The following SEPTIN6 variants were observed in gnomAD, a reference collection of about 807,000 sequenced individuals.
SEPTIN6 encodes the protein septin-6.
In SEPTIN6, 8 loss-of-function variants were observed where a neutral mutation model predicts 33.6. That is an observed-to-expected ratio of 0.24 (90% CI 0.14 to 0.43). SEPTIN6 has a LOEUF of 0.43. Among genes scored for constraint, SEPTIN6 ranks in the 20% least tolerant of loss-of-function variants. SEPTIN6 has a pLI of 1.00. For synonymous variants in SEPTIN6, 131 were observed against 140.0 expected, an observed-to-expected ratio of 0.94 and a Z score of 0.45; for missense variants, 250 against 340.8, an observed-to-expected ratio of 0.73 and a Z score of 2.10.
intron 10 of SEPTIN6, among the ~76,000 whole-genome samples, chrX:119,623,846 GAAAC>G (rs756427225): frequency 1.6e-4 from 18 of 111,269 alleles, no homozygotes; most frequent in Admixed American, 3.8e-4. Flanking sequence ...CTCAAAAAAA[GAAAC>G]AAACAAACAA....
At chrX:119,657,851 T>C (rs760432675) in intron 3 of SEPTIN6, among the ~76,000 whole-genome samples, 5 of 111,812 alleles carry the variant, frequency 4.5e-5, no homozygotes, top group Admixed American at 3.8e-4. Flanking sequence ...CTCGACCGGG[T>C]GCGGTGGCTC....
At chrX:119,662,955 G>A (rs1297188441) in intron 3 of SEPTIN6, among the ~76,000 whole-genome samples, 3 of 112,136 alleles carry the variant, frequency 2.7e-5, no homozygotes, top group Non-Finnish European at 3.8e-5. Flanking sequence ...CGTCCTTCAA[G>A]AGTCAGCTCA....
Position 119,670,203 on chromosome X carries a change from C to T in SEPTIN6, c.145+5351G>A, listed in dbSNP as rs759789578. On this transcript the variant is annotated intron_variant, in intron 2 of 10. Transcript: ENST00000394610. ...TCACCTCTTCGGTAATTATGGTCAA[C>T]CCTAGAGAATATATTGGAGAGGAGT... Among the ~76,000 whole-genome samples, 6 of 111,200 alleles carry T rather than the reference C, an allele frequency of 5.4e-5. No individual in the cohort carries two copies. In the South Asian group the frequency reaches 1.5e-3, roughly 28 times the overall value.
chrX:119,658,269 G>A (rs1007762618), intron 3 of SEPTIN6, among the ~76,000 whole-genome samples: 3 of 111,664 alleles, frequency 2.7e-5, no homozygotes, highest in Non-Finnish European at 5.6e-5. Context: ...GGAGGGAGGG[G>A]GGCAGATTTA....
chrX:119,663,451 C>A, intron 3 of SEPTIN6, 31 bp downstream of exon 3: 1 of 678,676 alleles, frequency 1.5e-6, no homozygotes, highest in South Asian at 2.5e-5. Flanking sequence ...ACCAACCTCC[C>A]CACCCTACCC....
Position 119,683,864 on chromosome X carries a change from G to T in SEPTIN6, c.31-8196C>A, listed in dbSNP as rs183000209. 1.4e-3 allele frequency among the ~76,000 whole-genome samples: 152 copies of T among 111,002 alleles called. 1 individual carries two copies. Among genetic ancestry groups the T allele is most frequent in the African/African-American group, 4.8e-3 (148 of 30,599 alleles). ...GGGTCATCAGAGCATTTAGCTTTCAGGCAGTTTTATTGTATATAAAACATT... is the reference window on the plus strand; with the variant it reads ...GGGTCATCAGAGCATTTAGCTTTCATGCAGTTTTATTGTATATAAAACATT... On this transcript the variant is annotated intron_variant, in intron 1 of 10. Transcript: ENST00000394610.
chrX:119,637,822 A>G (rs1409051234), intron 6 of SEPTIN6, among the ~76,000 whole-genome samples: 1 of 112,490 alleles, frequency 8.9e-6, no homozygotes, highest in Non-Finnish European at 1.9e-5. Flanking sequence ...CAAATAGACA[A>G]ATACAATTCA....
rs1210259480 is a variant in SEPTIN6 at position 119,652,891 on chromosome X, G to T, written c.491C>A (p.Ser164Tyr). 1 of 1,210,835 alleles carries T rather than the reference G, an allele frequency of 8.3e-7. No individual in the cohort carries two copies. Among genetic ancestry groups the T allele is most frequent in the South Asian group, 1.8e-5 (1 of 56,893 alleles). ...FIAPTGHSLK[S>Y]LDLVTMKKLD... ...CTTCTTCATAGTCACTAGGTCCAGAGACTTCAGGGAATGACCCGTGGGGGC... is the reference window on the plus strand; with the variant it reads ...CTTCTTCATAGTCACTAGGTCCAGATACTTCAGGGAATGACCCGTGGGGGC... Residue 164 changes from serine to tyrosine, a missense_variant, in exon 4 of 11, where the codon TCT becomes TAT. By Grantham distance (144) the Ser-to-Tyr change is moderately radical. Around this residue, in one of 2 missense-constraint regions of SEPTIN6, gnomAD observed 139 missense variants for 227.0 expected, o/e 0.61. Transcript: ENST00000394610.
In SEPTIN6 at chrX:119,619,376, A is replaced by G; in HGVS notation, c.*717T>C. Reference sequence around the variant, plus strand: ...TTGCATCTGTGGGATACCCAGAGTTAGAGAGAGGGGAAACGTCTGCTATTT... The same window carrying G: ...TTGCATCTGTGGGATACCCAGAGTTGGAGAGAGGGGAAACGTCTGCTATTT... On this transcript the variant is annotated 3_prime_UTR_variant, in exon 11 of 11. Coordinates refer to ENST00000394610, the MANE Select transcript of SEPTIN6 (RefSeq NM_145799.4). The G allele has an allele frequency of 1.2e-6, 1 of 813,474 alleles. No homozygotes were observed. The highest frequency in any genetic ancestry group is 1.5e-6 in the Non-Finnish European group (1 of 675,817). The allele number at this position is 813,474 out of a possible 1,213,427, so 67.0% of individuals were successfully genotyped here.
intron 1 of SEPTIN6, among the ~76,000 whole-genome samples, chrX:119,686,207 C>T (rs1243806410): frequency 8.9e-6 from 1 of 112,237 alleles, no homozygotes; most frequent in African/African-American, 3.2e-5. Context: ...TTGCCTCTGC[C>T]TCCATCTGGT....
At chrX:119,684,482 GTTTT>G (rs1199777223) in intron 1 of SEPTIN6, among the ~76,000 whole-genome samples, 2 of 79,449 alleles carry the variant, frequency 2.5e-5, no homozygotes, top group African/African-American at 4.6e-5. Flanking sequence ...GTTCCCAGAG[GTTTT>G]TTTTTTTTTT....
intron 6 of SEPTIN6, among the ~76,000 whole-genome samples, chrX:119,640,081 G>C (rs7890074): frequency 0.22 from 22,262 of 103,346 alleles, 2,002 homozygotes; most frequent in South Asian, 0.25. Flanking sequence ...CAGAGTGCTA[G>C]AATTACAGGA....
At chrX:119,634,233 G>A (rs770138915) in intron 7 of SEPTIN6, among the ~76,000 whole-genome samples, 44 of 110,388 alleles carry the variant, frequency 4.0e-4, no homozygotes, top group Non-Finnish European at 4.2e-4. Context: ...GCCAGGCGTC[G>A]TAGTGGGCGC....
intron 3 of SEPTIN6, among the ~76,000 whole-genome samples, chrX:119,661,410 A>C (rs1009808427): frequency 1.8e-5 from 2 of 111,407 alleles, no homozygotes; most frequent in African/African-American, 6.6e-5. Flanking sequence ...CAGCCTGGGC[A>C]ACAGAGCGAG....
intron 9 of SEPTIN6, among the ~76,000 whole-genome samples, chrX:119,628,427 C>T (rs754102110): frequency 4.5e-5 from 5 of 110,234 alleles, no homozygotes; most frequent in East Asian, 5.7e-4. Context: ...TATAAGCGCG[C>T]GCCACCGCGC....
intron 2 of SEPTIN6, among the ~76,000 whole-genome samples, chrX:119,667,933 T>C (rs2054672610): frequency 8.9e-6 from 1 of 111,757 alleles, no homozygotes; most frequent in African/African-American, 3.3e-5. Context: ...TTAATGTAGA[T>C]AGTATTCTGG....
rs1231502208 is a variant in SEPTIN6, at chrX:119,678,733, G to T, written c.31-3065C>A. Among the ~76,000 whole-genome samples, 4 of 110,392 alleles carry T rather than the reference G, an allele frequency of 3.6e-5. No individual in the cohort carries two copies. The Admixed American group carries it at 3.9e-4, about 11-fold the overall frequency. On this transcript the variant is annotated intron_variant, in intron 1 of 10. Transcript: ENST00000394610. ...ATGAGAACTGATATGCTTTCTTTAC[G>T]GAGCCTCCGATGTAGCAGGCATCGG...
In SEPTIN6 at chrX:119,630,890, C is replaced by T. The variant is rs1214571293; in HGVS notation, c.1090-1382G>A. Among the ~76,000 whole-genome samples the T allele has an allele frequency of 3.1e-5, 3 of 95,503 alleles. No individual in the cohort carries two copies. In the South Asian group the frequency reaches 1.4e-3, roughly 43 times the overall value. The allele number at this position is 95,503 out of a possible 115,157, so 82.9% of individuals were successfully genotyped here. On this transcript the variant is annotated intron_variant, in intron 8 of 10. Coordinates refer to ENST00000394610, the MANE Select transcript of SEPTIN6 (RefSeq NM_145799.4). Reference sequence around the variant, plus strand: ...CCTGGGCAAGAGTGAGACTCTGTCTCGGAAAAAAAAAAAAAGAATATTCTG... The same window carrying T: ...CCTGGGCAAGAGTGAGACTCTGTCTTGGAAAAAAAAAAAAAGAATATTCTG...
At chrX:119,688,526 G>A (rs747575337) in intron 1 of SEPTIN6, among the ~76,000 whole-genome samples, 1 of 110,392 alleles carries the variant, frequency 9.1e-6, no homozygotes, top group African/African-American at 3.3e-5. Flanking sequence ...GGCCAACATG[G>A]TGAAACCCTG....
Sources: allele counts gnomAD v4.1 joint callset (sites outside exome capture counted in the v4.1 genomes callset), GRCh38; gene constraint gnomAD v4.1.1; regional missense constraint gnomAD v4.1.1; transcripts MANE v1.5; gene names NCBI Gene and HGNC (gene_info 2026-07-23, HGNC 2026-07-21).